The following CCAR1 variants were observed in gnomAD, a reference collection of about 807,000 sequenced individuals.
The protein encoded by CCAR1 is cell division cycle and apoptosis regulator 1.
In CCAR1, 78 loss-of-function variants were observed where a neutral mutation model predicts 163.8. The ratio of observed to expected loss-of-function variants is 0.48; its 90% confidence interval spans 0.40 to 0.57. The LOEUF (loss-of-function observed/expected upper bound fraction) is 0.57. Ranked by LOEUF, CCAR1 falls within the 20% of genes least tolerant of loss-of-function variation. The pLI is 0.00. For missense variants in CCAR1, 1,019 were observed against 1,365.2 expected, an observed-to-expected ratio of 0.75 and a Z score of 4.00; for synonymous variants, 443 against 460.7, an observed-to-expected ratio of 0.96 and a Z score of 0.49.
At chr10:68,789,488 C>T (rs940151641) in intron 23 of CCAR1, among the ~76,000 whole-genome samples, 4 of 151,912 alleles carry the variant, frequency 2.6e-5, no homozygotes, top group African/African-American at 7.2e-5. Context: ...AAGATCGTGC[C>T]ACTTCGCTCA....
chr10:68,723,496 CATTCATTACA>C (rs1224557846), intron 2 of CCAR1, among the ~76,000 whole-genome samples: 1 of 151,938 alleles, frequency 6.6e-6, no homozygotes, highest in Non-Finnish European at 1.5e-5. Flanking sequence ...TTTAGCTACT[CATTCATTACA>C]ATATACTGTA....
chr10:68,730,216 A>G (rs2056017282), intron 2 of CCAR1, among the ~76,000 whole-genome samples: 1 of 151,740 alleles, frequency 6.6e-6, no homozygotes, highest in South Asian at 2.1e-4. Context: ...TGCTGCGCCC[A>G]GCCCCTCTTT....
intron 4 of CCAR1, 81 bp from the exon 5 acceptor site, chr10:68,740,548 G>T (rs2056169009): frequency 1.0e-5 from 11 of 1,085,862 alleles, no homozygotes; most frequent in Non-Finnish European, 1.5e-5. Flanking sequence ...ACTTTTATAG[G>T]ATTATTTCTT....
chr10:68,787,897 CTG>C (rs1298018287), intron 21 of CCAR1, 28 bp from the exon 22 acceptor site: 1 of 1,561,368 alleles, frequency 6.4e-7, no homozygotes, highest in East Asian at 2.2e-5. Flanking sequence ...ATTTTCATCT[CTG>C]TATTTTGTTT....
At chr10:68,738,342 C>T (rs1201238001) in intron 4 of CCAR1, among the ~76,000 whole-genome samples, 5 of 151,962 alleles carry the variant, frequency 3.3e-5, no homozygotes, top group Non-Finnish European at 5.9e-5. Context: ...GCAGGAGAAT[C>T]GCTTGAACTC....
chr10:68,757,448 T>C, intron 15 of CCAR1, 71 bp downstream of exon 15: 1 of 834,848 alleles, frequency 1.2e-6, no homozygotes, highest in Non-Finnish European at 2.0e-6. Flanking sequence ...GGAGTCTCGC[T>C]CTGTCGCCCA....
chr10:68,747,521 T>C lies in CCAR1; in HGVS notation c.781T>C (p.Leu261=), dbSNP rs780817748. The change falls in exon 8 of 25, where the codon TTG becomes CTG. Residue 261 remains leucine, a synonymous_variant. Coordinates refer to ENST00000265872, the MANE Select transcript of CCAR1 (RefSeq NM_018237.4). Reference sequence around the variant, plus strand: ...TTCAGCAGCTTCTATTACACCACTATTGCAGACTCAACCACAGCCCTTATT... The same window carrying C: ...TTCAGCAGCTTCTATTACACCACTACTGCAGACTCAACCACAGCCCTTATT... The part of the protein sequence containing the change: ...QISAASITPL[L]QTQPQPLLQQ... 3 of 1,614,164 alleles carry C rather than the reference T, an allele frequency of 1.9e-6. No individual in the cohort carries two copies. Among genetic ancestry groups the C allele is most frequent in the Non-Finnish European group, 2.5e-6 (3 of 1,180,010 alleles).
At position 68,772,985 on chromosome 10, in the gene CCAR1, T is replaced by C. The variant is rs748121423; in HGVS notation, c.2539-3T>C. On this transcript the variant is annotated splice_polypyrimidine_tract_variant and splice_region_variant and intron_variant, in intron 18 of 24. Coordinates refer to ENST00000265872, the MANE Select transcript of CCAR1 (RefSeq NM_018237.4). ...TAAATAATAAAGGCATTTTAAATTA[T>C]AGAAAGAAGATAAAAGAAAAGATGA... 1 of 1,328,084 alleles carries C rather than the reference T, an allele frequency of 7.5e-7. No individual in the cohort carries two copies. Among genetic ancestry groups the C allele is most frequent in the African/African-American group, 1.5e-5 (1 of 66,448 alleles). 82.3% of individuals were successfully genotyped at this position (1,328,084 alleles called of 1,614,324 possible). A position where few individuals can be genotyped will look rare whatever the true frequency, so the allele number is the denominator to read the frequency against.
chr10:68,753,173 CTT>C (rs2133359910), intron 10 of CCAR1, among the ~76,000 whole-genome samples: 1 of 152,206 alleles, frequency 6.6e-6, no homozygotes, highest in Admixed American at 6.5e-5. Flanking sequence ...CAGTTCCTCT[CTT>C]TTAAAAGCTC....
chr10:68,752,793 C>G (rs764126243), intron 10 of CCAR1, among the ~76,000 whole-genome samples: 3 of 151,984 alleles, frequency 2.0e-5, no homozygotes, highest in Non-Finnish European at 4.4e-5. Context: ...TTGCTTGAGC[C>G]TAGGAATTCA....
intron 10 of CCAR1, among the ~76,000 whole-genome samples, chr10:68,750,139 A>G (rs1046448448): frequency 3.9e-5 from 6 of 152,074 alleles, no homozygotes; most frequent in African/African-American, 9.7e-5. Context: ...ATGTGTATGT[A>G]TATACATAAA....
chr10:68,790,053 T>C (rs918928293), intron 24 of CCAR1, 138 bp downstream of exon 24: 18 of 560,680 alleles, frequency 3.2e-5, no homozygotes, highest in Non-Finnish European at 5.4e-5. Context: ...TTCCTGAGAT[T>C]AGTAAAAAGT....
intron 19 of CCAR1, among the ~76,000 whole-genome samples, chr10:68,776,361 C>T (rs543855346): frequency 6.6e-6 from 1 of 151,080 alleles, no homozygotes; most frequent in Non-Finnish European, 1.5e-5. Flanking sequence ...GTCAGGAGTT[C>T]GAGACCAGCC....
chr10:68,753,361 T>C (rs1422030830), intron 10 of CCAR1, among the ~76,000 whole-genome samples: 1 of 152,204 alleles, frequency 6.6e-6, no homozygotes, highest in Non-Finnish European at 1.5e-5. Flanking sequence ...TTGTGGATTT[T>C]TGTATTTAAT....
chr10:68,735,687 T>C (rs928848698), intron 2 of CCAR1: 4 of 152,176 alleles, frequency 2.6e-5, no homozygotes, highest in African/African-American at 9.7e-5. Flanking sequence ...ATTACAGACA[T>C]GAGCTGCCTC....
chr10:68,778,164 C>T (rs1016877979), intron 19 of CCAR1, among the ~76,000 whole-genome samples: 4 of 151,698 alleles, frequency 2.6e-5, no homozygotes, highest in African/African-American at 4.8e-5. Context: ...TGCAGTGAGC[C>T]GAGATTGTGC....
At chr10:68,733,873 A>C (rs1386313702) in intron 2 of CCAR1, among the ~76,000 whole-genome samples, 1 of 152,116 alleles carries the variant, frequency 6.6e-6, no homozygotes, top group East Asian at 1.9e-4. Context: ...CATGTTGGCC[A>C]TGCTGGTCTC....
intron 2 of CCAR1, among the ~76,000 whole-genome samples, chr10:68,727,666 T>A (rs1414762228): frequency 6.6e-6 from 1 of 152,176 alleles, no homozygotes. Context: ...AGTGCTTTGA[T>A]ACGTCTTCAG....
Position 68,786,152 on chromosome 10 carries a change from A to C in CCAR1, c.2667A>C (p.Glu889Asp). The C allele has an allele frequency of 2.5e-6, 4 of 1,612,088 alleles. No homozygotes were observed. Among genetic ancestry groups the C allele is most frequent in the Non-Finnish European group, 3.4e-6 (4 of 1,178,526 alleles). ...ATTTTACAGATAGGGATGAGGAAGA[A>C]ATGACCAAACGAGATGACAAAAGAG... ...EDEEDDRDEE[E>D]MTKRDDKRDI... The change falls in exon 20 of 25, where the codon GAA becomes GAC. Residue 889 changes from glutamate (E) to aspartate (D), a missense_variant. This residue lies in a region of CCAR1 where 358 missense variants were observed against 406.4 expected (regional missense o/e 0.88). Transcript: ENST00000265872.
Sources: gnomAD v4.1 joint callset for allele counts (sites outside exome capture counted in the v4.1 genomes callset) on GRCh38, gnomAD v4.1.1 for gene constraint, gnomAD v4.1.1 regional missense constraint, MANE v1.5 for transcripts, NCBI Gene and HGNC (gene_info 2026-07-23, HGNC 2026-07-21) for gene names.